Variants in RNF4 observed in about 807,000 individuals in gnomAD.
The protein encoded by RNF4 is E3 ubiquitin-protein ligase RNF4.
In RNF4, 7 loss-of-function variants were observed where a neutral mutation model predicts 24.3. That is an observed-to-expected ratio of 0.29 (90% CI 0.16 to 0.54). The LOEUF (loss-of-function observed/expected upper bound fraction) is 0.54, where lower values mean the gene tolerates loss of function less well. Ranked by LOEUF, RNF4 falls within the 20% of genes least tolerant of loss-of-function variation. The pLI is 0.95. For missense variants in RNF4, 209 were observed against 248.5 expected (o/e 0.84, Z 1.07); for synonymous variants, 83 against 84.3 (o/e 0.98, Z 0.09).
intron 1 of RNF4, chr4:2,471,093 A>C (rs551785413): frequency 6.6e-6 from 1 of 150,924 alleles, no homozygotes; most frequent in South Asian, 2.1e-4. Flanking sequence ...CAGCCTCCGG[A>C]GTAGCTGGGA....
Position 2,512,404 on chromosome 4 carries a change from G to T in RNF4, c.215-34G>T. ...GTGGTGAGGATGGTAAGAGTAGAGA[G>T]CCTCCAACCTGAAAATGTGACCTCT... On this transcript the variant is annotated intron_variant, in intron 5 of 7. Transcript: ENST00000314289. This position sits in a 1 kb window ranked among gnomAD's most constrained non-coding sequence, Gnocchi z 4.1. 1 of 1,581,578 alleles carries T rather than the reference G, an allele frequency of 6.3e-7. No individual in the cohort carries two copies.
rs1176825039 is a variant in RNF4, at chr4:2,483,130, T to C, written c.-157-7207T>C. On this transcript the variant is annotated intron_variant, in intron 1 of 7. Coordinates refer to ENST00000314289, the MANE Select transcript of RNF4 (RefSeq NM_002938.5). ...TGATCATCTTTCCAGCTAGGATATATGCTCCATGGGTAGTTTTTTGTTGCT... is the reference window on the plus strand; with the variant it reads ...TGATCATCTTTCCAGCTAGGATATACGCTCCATGGGTAGTTTTTTGTTGCT... Among the ~76,000 whole-genome samples the C allele has an allele frequency of 2.6e-5, 4 of 152,356 alleles. No individual in the cohort carries two copies. The East Asian group carries it at 7.7e-4, about 29-fold the overall frequency.
chr4:2,491,507 A>G (rs1735577797), intron 2 of RNF4, among the ~76,000 whole-genome samples: 1 of 152,114 alleles, frequency 6.6e-6, no homozygotes, highest in Admixed American at 6.6e-5. Flanking sequence ...CAGTGGTACC[A>G]TCTCGGCTTG....
intron 1 of RNF4, among the ~76,000 whole-genome samples, chr4:2,486,879 A>C (rs1735425423): frequency 6.6e-6 from 1 of 152,182 alleles, no homozygotes; most frequent in African/African-American, 2.4e-5. Flanking sequence ...GGGGAGAACA[A>C]GCCCCTATAT....
At chr4:2,496,883 C>G (rs916904612) in intron 2 of RNF4, 124 bp from the exon 3 acceptor site, 3 of 627,336 alleles carry the variant, frequency 4.8e-6, no homozygotes, top group Admixed American at 3.2e-5. Flanking sequence ...TGAAAGGAGC[C>G]CTAACTTCAA....
rs1734984116 is a variant in RNF4, at chr4:2,473,792, CAG to C, written c.-158+4537_-158+4538del. ...CACTACTGCACTCCAGCCTGGGCGACAGAGCGAGACTCTGTCTAGAAAAAAAA... is the reference window on the plus strand; with the variant it reads ...CACTACTGCACTCCAGCCTGGGCGACAGCGAGACTCTGTCTAGAAAAAAAA... On this transcript the variant is annotated intron_variant, in intron 1 of 7. Transcript: ENST00000314289. Among the ~76,000 whole-genome samples, 5 of 151,430 alleles carry C rather than the reference CAG, an allele frequency of 3.3e-5. No individual in the cohort carries two copies. In the South Asian group the frequency reaches 1.0e-3, roughly 31 times the overall value.
chr4:2,511,823 G>A (rs775625177), intron 4 of RNF4, 133 bp from the exon 5 acceptor site: 1 of 838,988 alleles, frequency 1.2e-6, no homozygotes, highest in Non-Finnish European at 1.9e-6. Context: ...GTGGGAGGAG[G>A]GTGGGGCCTC....
chr4:2,477,344 T>C (rs925076476), intron 1 of RNF4, among the ~76,000 whole-genome samples: 1 of 151,870 alleles, frequency 6.6e-6, no homozygotes, highest in Non-Finnish European at 1.5e-5. Context: ...CCCAGCACTT[T>C]GGGAGGCCAA....
chr4:2,506,749 T>C (rs1225589071), intron 4 of RNF4, among the ~76,000 whole-genome samples: 1 of 152,020 alleles, frequency 6.6e-6, no homozygotes, highest in Non-Finnish European at 1.5e-5. Flanking sequence ...TTATATTTTT[T>C]TGGAGAGACA....
At chr4:2,473,605 G>A (rs1349611045) in intron 1 of RNF4, among the ~76,000 whole-genome samples, 3 of 151,546 alleles carry the variant, frequency 2.0e-5, no homozygotes. Flanking sequence ...GAGGTCAGGA[G>A]TTCACAACCA....
chr4:2,494,153 T>C (rs1250148584), intron 2 of RNF4, among the ~76,000 whole-genome samples: 3 of 152,126 alleles, frequency 2.0e-5, no homozygotes, highest in Admixed American at 6.6e-5. Flanking sequence ...TGTAAAGAAA[T>C]AGCATTTGAA....
intron 1 of RNF4, among the ~76,000 whole-genome samples, chr4:2,471,472 C>G (rs1734907056): frequency 7.2e-6 from 1 of 138,594 alleles, no homozygotes; most frequent in East Asian, 2.0e-4. Flanking sequence ...AGTCAGTGAC[C>G]CTACAGTGTC....
intron 7 of RNF4, 129 bp from the exon 8 acceptor site, chr4:2,513,541 C>T: frequency 9.3e-7 from 1 of 1,073,386 alleles, no homozygotes; most frequent in East Asian, 2.4e-5. Context: ...CAGACCCCTC[C>T]CTGTTGTAGC....
intron 1 of RNF4, among the ~76,000 whole-genome samples, chr4:2,473,315 T>A (rs1734963878): frequency 6.8e-6 from 1 of 147,550 alleles, no homozygotes; most frequent in East Asian, 2.0e-4. Flanking sequence ...GCCCAGGAGG[T>A]GGAGGCTGCA....
At chr4:2,488,521 G>T (rs1315017912) in intron 1 of RNF4, among the ~76,000 whole-genome samples, 1 of 152,172 alleles carries the variant, frequency 6.6e-6, no homozygotes, top group Non-Finnish European at 1.5e-5. Flanking sequence ...TTTAGGGCTT[G>T]AGCAGAAGGT....
At chr4:2,470,874 A>G (rs187270401) in intron 1 of RNF4, 1 of 152,116 alleles carries the variant, frequency 6.6e-6, no homozygotes, top group East Asian at 1.9e-4. Flanking sequence ...TTCATCGAGC[A>G]AGTCTGTAAA....
intron 3 of RNF4, chr4:2,499,326 T>G (rs1735841047): frequency 2.2e-6 from 1 of 449,488 alleles, no homozygotes; most frequent in East Asian, 7.3e-5. Context: ...AGTTTTGCTC[T>G]TGTTGCCCAG....
chr4:2,513,758 A>G lies in RNF4; in HGVS notation c.512A>G (p.Asn171Ser), dbSNP rs894346950. Residue 171 changes from asparagine to serine, a missense_variant, in exon 8 of 8, where the codon AAT becomes AGT. This residue lies in a region of RNF4 where 10 missense variants were observed against 35.0 expected (regional missense o/e 0.29). Transcript: ENST00000314289. ...CTCCGTGATTCCCTGAAGAATGCTA[A>G]TACTTGCCCAACTTGTAGGAAAAAG... ...QCLRDSLKNA[N>S]TCPTCRKKIN... 6.2e-7 allele frequency: 1 copy of G among 1,613,876 alleles called. No individual in the cohort carries two copies. Among genetic ancestry groups the G allele is most frequent in the African/African-American group, 1.3e-5 (1 of 74,896 alleles).
intron 1 of RNF4, among the ~76,000 whole-genome samples, chr4:2,482,394 C>T (rs940731770): frequency 6.6e-6 from 1 of 152,222 alleles, no homozygotes; most frequent in Admixed American, 6.5e-5. Context: ...AAGCCTGCCT[C>T]CTGTGCTGAC....
Sources: gnomAD v4.1 joint callset for allele counts (sites outside exome capture counted in the v4.1 genomes callset) on GRCh38, gnomAD v4.1.1 for gene constraint, gnomAD v4.1.1 regional missense constraint, Gnocchi (gnomAD v3.1) non-coding constraint, MANE v1.5 for transcripts, NCBI Gene and HGNC (gene_info 2026-07-23, HGNC 2026-07-21) for gene names.